Variants in MAN1C1 observed in about 807,000 individuals in gnomAD.
MAN1C1 encodes the protein mannosidase alpha class 1C member 1, also known as mannosyl-oligosaccharide 1,2-alpha-mannosidase IC.
In MAN1C1, 49 loss-of-function variants were observed where a neutral mutation model predicts 71.5. That is an observed-to-expected ratio of 0.69 (90% CI 0.54 to 0.87). The LOEUF is 0.87. Among genes scored for constraint, MAN1C1 ranks in the 40% least tolerant of loss-of-function variants. The pLI is 0.00. For synonymous variants in MAN1C1, 352 were observed against 343.7 expected, an observed-to-expected ratio of 1.02 and a Z score of -0.27; for missense variants, 743 against 835.0, an observed-to-expected ratio of 0.89 and a Z score of 1.36.
chr1:25,654,542 T>C (rs2124079335), intron 1 of MAN1C1, among the ~76,000 whole-genome samples: 1 of 152,284 alleles, frequency 6.6e-6, no homozygotes, highest in Middle Eastern at 3.4e-3. Flanking sequence ...GTGCTTTCTT[T>C]ATGCTTTGCT....
intron 1 of MAN1C1, among the ~76,000 whole-genome samples, chr1:25,681,354 A>C (rs1238787941): frequency 1.3e-5 from 2 of 152,232 alleles, no homozygotes; most frequent in Non-Finnish European, 2.9e-5. Context: ...GTTCTCTCCC[A>C]GTGAAGATGT....
At chr1:25,751,109 A>C (rs537525577) in intron 4 of MAN1C1, among the ~76,000 whole-genome samples, 11 of 126,352 alleles carry the variant, frequency 8.7e-5, no homozygotes, top group Admixed American at 5.4e-4. Context: ...CCTTCCTTCC[A>C]TCCATCTTTC....
At chr1:25,768,075 TCC>T (rs1277526913) in intron 7 of MAN1C1, among the ~76,000 whole-genome samples, 3 of 1,868 alleles carry the variant, frequency 1.6e-3, no homozygotes, top group Admixed American at 8.8e-3. Flanking sequence ...ACACACACAC[TCC>T]CCCCCACACA....
intron 1 of MAN1C1, among the ~76,000 whole-genome samples, chr1:25,639,509 G>C (rs1026096006): frequency 1.3e-5 from 2 of 152,136 alleles, no homozygotes; most frequent in African/African-American, 4.8e-5. Flanking sequence ...TGGGCTGTCA[G>C]CTGTTACTTC....
chr1:25,679,048 CAA>C (rs72064453), intron 1 of MAN1C1, among the ~76,000 whole-genome samples: 3,724 of 151,608 alleles, frequency 0.025, 145 homozygotes, highest in African/African-American at 0.083. Context: ...AGAGATGAGA[CAA>C]GAGAGAGAGA....
chr1:25,778,243 G>A lies in MAN1C1; in HGVS notation c.1396G>A (p.Ala466Thr). 6.2e-7 allele frequency: 1 copy of A among 1,614,096 alleles called. No individual in the cohort carries two copies. Among genetic ancestry groups the A allele is most frequent in the Non-Finnish European group, 8.5e-7 (1 of 1,179,992 alleles). The part of the protein sequence containing the change: ...GGMIALGAED[A>T]KEEKRAHYRE... ...CATGATCGCCCTTGGCGCCGAGGAT[G>A]CCAAGGAAGAAAAGAGGGCCCACTA... The change falls in exon 9 of 12, where the codon GCC becomes ACC. Residue 466 changes from alanine (A) to threonine (T), a missense_variant. Ala to Thr is a moderately conservative substitution (Grantham distance 58). Coordinates refer to ENST00000374332, the MANE Select transcript of MAN1C1 (RefSeq NM_020379.4). This position sits in a 1 kb window ranked among gnomAD's most constrained non-coding sequence, Gnocchi z 5.5.
intron 1 of MAN1C1, among the ~76,000 whole-genome samples, chr1:25,663,361 CAGT>C (rs1426796908): frequency 1.3e-5 from 2 of 151,986 alleles, no homozygotes; most frequent in Non-Finnish European, 2.9e-5. Context: ...CCAAGACCCC[CAGT>C]GGATGCCTGA....
intron 10 of MAN1C1, chr1:25,781,383 T>G: frequency 8.3e-6 from 3 of 360,292 alleles, no homozygotes; most frequent in Non-Finnish European, 1.5e-5. Context: ...TCAGCAAACT[T>G]AGAGGGTCAG....
At chr1:25,726,630 C>T (rs941454674) in intron 2 of MAN1C1, among the ~76,000 whole-genome samples, 1 of 152,094 alleles carries the variant, frequency 6.6e-6, no homozygotes, top group Non-Finnish European at 1.5e-5. Context: ...AGTAGGCATT[C>T]GGGCCATGGT....
At chr1:25,697,116 A>G (rs2046380311) in intron 2 of MAN1C1, among the ~76,000 whole-genome samples, 1 of 151,428 alleles carries the variant, frequency 6.6e-6, no homozygotes, top group Admixed American at 6.6e-5. Context: ...GGACATTTTT[A>G]TTTTCAGGAT....
In MAN1C1 at chr1:25,711,405, A is replaced by G. The variant is rs929238288; in HGVS notation, c.637+24869A>G. On this transcript the variant is annotated intron_variant, in intron 2 of 11. Transcript: ENST00000374332. This position sits in a 1 kb window ranked among gnomAD's most constrained non-coding sequence, Gnocchi z 4.3. ...CTCCTTCCCACTCAGACATCTCTAA[A>G]GTCAAATCGCTCATGGATGGGTCAG... Among the ~76,000 whole-genome samples, 19 of 152,200 alleles carry G rather than the reference A, an allele frequency of 1.2e-4. No homozygotes were observed. Among genetic ancestry groups the G allele is most frequent in the African/African-American group, 3.6e-4 (15 of 41,438 alleles).
Position 25,776,563 on chromosome 1 carries a change from G to A in MAN1C1, c.1258-1542G>A, listed in dbSNP as rs1383753496. ...GTAAGACTGTGTCTCAAAACAAAAC[G>A]AATTGCACCTCTCATATATATTTGG... is the stretch of plus-strand genomic sequence containing the variant. On this transcript the variant is annotated intron_variant, in intron 8 of 11. Transcript: ENST00000374332. The surrounding 1 kb of genome is among the most constrained non-coding windows in gnomAD (Gnocchi z 4.3). Among the ~76,000 whole-genome samples the A allele has an allele frequency of 2.6e-5, 4 of 152,100 alleles. No individual in the cohort carries two copies. The highest frequency in any genetic ancestry group is 4.8e-5 in the African/African-American group (2 of 41,406).
At chr1:25,710,373 G>A (rs2046597570) in intron 2 of MAN1C1, among the ~76,000 whole-genome samples, 1 of 152,208 alleles carries the variant, frequency 6.6e-6, no homozygotes, top group Non-Finnish European at 1.5e-5. Flanking sequence ...TGTTCACTGT[G>A]CTTGTTGTTG....
At chr1:25,745,562 G>T (rs2124334835) in intron 2 of MAN1C1, among the ~76,000 whole-genome samples, 1 of 152,266 alleles carries the variant, frequency 6.6e-6, no homozygotes, top group South Asian at 2.1e-4. Context: ...AGATCCCGTG[G>T]ATGTCTCCCC....
chr1:25,677,981 A>G (rs1448381756), intron 1 of MAN1C1, among the ~76,000 whole-genome samples: 1 of 150,864 alleles, frequency 6.6e-6, no homozygotes, highest in Non-Finnish European at 1.5e-5. Context: ...TTTCATTTTA[A>G]CAACCTGTAT....
At chr1:25,721,584 T>C (rs991332992) in intron 2 of MAN1C1, among the ~76,000 whole-genome samples, 2 of 152,244 alleles carry the variant, frequency 1.3e-5, no homozygotes, top group African/African-American at 4.8e-5. Context: ...CATTTTGGAA[T>C]GTTCATTGCT....
At chr1:25,708,438 C>T (rs1210836768) in intron 2 of MAN1C1, among the ~76,000 whole-genome samples, 1 of 152,168 alleles carries the variant, frequency 6.6e-6, no homozygotes, top group Non-Finnish European at 1.5e-5. Flanking sequence ...GGGCTTTGGC[C>T]AGCTTCTTTA....
rs2047509541 is a variant in MAN1C1 at position 25,769,148 on chromosome 1, CT to C, written c.1142-2508del. Among the ~76,000 whole-genome samples, 1 of 150,380 alleles carries C rather than the reference CT, an allele frequency of 6.6e-6. No individual in the cohort carries two copies. Among genetic ancestry groups the C allele is most frequent in the Non-Finnish European group, 1.5e-5 (1 of 67,440 alleles). ...CTCCCTTCACACACTACACACTCCC[CT>C]CACACATTCCACACACACACCCCAC... On this transcript the variant is annotated intron_variant, in intron 7 of 11. Coordinates refer to ENST00000374332, the MANE Select transcript of MAN1C1 (RefSeq NM_020379.4). The surrounding 1 kb of genome is among the most constrained non-coding windows in gnomAD (Gnocchi z 4.8).
chr1:25,624,487 A>T (rs2045263807), intron 1 of MAN1C1, among the ~76,000 whole-genome samples: 1 of 152,192 alleles, frequency 6.6e-6, no homozygotes. Flanking sequence ...TCTTACTCAC[A>T]AGGGGGTCTG....
Sources: allele counts gnomAD v4.1 joint callset (sites outside exome capture counted in the v4.1 genomes callset), GRCh38; gene constraint gnomAD v4.1.1; non-coding constraint Gnocchi (gnomAD v3.1); transcripts MANE v1.5; gene names NCBI Gene and HGNC (gene_info 2026-07-23, HGNC 2026-07-21).